MOBP: variants seen among roughly 807,000 people sequenced by gnomAD.
The protein encoded by MOBP is myelin-associated oligodendrocyte basic protein.
A neutral mutation model predicts 15.0 loss-of-function variants in MOBP; 5 were observed. That is an observed-to-expected ratio of 0.33 (90% CI 0.17 to 0.70). The LOEUF is 0.70. Among genes scored for constraint, MOBP ranks in the 30% least tolerant of loss-of-function variants. The probability of loss-of-function intolerance (pLI) is 0.67; values close to 1 mark genes in which losing one functional copy is unlikely to be tolerated. For synonymous variants in MOBP, 88 were observed against 99.0 expected, an observed-to-expected ratio of 0.89 and a Z score of 0.66; for missense variants, 188 against 257.8, an observed-to-expected ratio of 0.73 and a Z score of 1.85.
intron 4 of MOBP, chr3:39,513,343 A>G: frequency 6.3e-7 from 1 of 1,578,638 alleles, no homozygotes; most frequent in Non-Finnish European, 8.7e-7. Flanking sequence ...TACATCACCT[A>G]CCTATGTCAT....
chr3:39,496,673 T>C (rs903728870), intron 2 of MOBP, among the ~76,000 whole-genome samples: 1 of 150,568 alleles, frequency 6.6e-6, no homozygotes, highest in Admixed American at 6.6e-5. Context: ...TTTTTTTTTC[T>C]TTTTTTTGAG....
downstream of MOBP, among the ~76,000 whole-genome samples, chr3:39,520,166 C>A (rs1008775439): frequency 6.6e-6 from 1 of 152,084 alleles, no homozygotes; most frequent in Non-Finnish European, 1.5e-5. Context: ...CAGTTTCCCA[C>A]CATCAAGCCA....
At chr3:39,488,303 G>T (rs2042745920) in intron 2 of MOBP, among the ~76,000 whole-genome samples, 1 of 152,166 alleles carries the variant, frequency 6.6e-6, no homozygotes, top group African/African-American at 2.4e-5. Context: ...GACACTTGGA[G>T]GTTTCAGAAG....
intron 2 of MOBP, among the ~76,000 whole-genome samples, chr3:39,480,543 G>A (rs1171954068): frequency 1.3e-5 from 2 of 152,104 alleles, no homozygotes; most frequent in African/African-American, 2.4e-5. Flanking sequence ...CTCAAATGGC[G>A]GCCACTTTAC....
intron 4 of MOBP, among the ~76,000 whole-genome samples, chr3:39,510,311 C>T (rs535551881): frequency 5.9e-5 from 9 of 152,062 alleles, no homozygotes; most frequent in African/African-American, 1.4e-4. Flanking sequence ...AAAAATTATT[C>T]GAGTTTTTTT....
intron 2 of MOBP, among the ~76,000 whole-genome samples, chr3:39,495,200 G>A (rs1158142977): frequency 6.6e-6 from 1 of 152,144 alleles, no homozygotes; most frequent in Non-Finnish European, 1.5e-5. Flanking sequence ...ACAACTGTTG[G>A]AGTCACTGTC....
At chr3:39,513,408 C>G in exon 5 of MOBP, 1 of 1,614,036 alleles carries the variant, frequency 6.2e-7, no homozygotes, top group Non-Finnish European at 8.5e-7. Context: ...CAGGCCAACC[C>G]CAAAGAAGAA....
chr3:39,478,862 CTT>C (rs71718061), intron 1 of MOBP, among the ~76,000 whole-genome samples: 41,249 of 150,808 alleles, frequency 0.27, 7,160 homozygotes, highest in African/African-American at 0.49. Context: ...TGGAGTCTCA[CTT>C]TGTCACCCAG....
At chr3:39,507,131 G>A (rs1319785763), downstream of MOBP, among the ~76,000 whole-genome samples, 1 of 152,180 alleles carries the variant, frequency 6.6e-6, no homozygotes, top group Non-Finnish European at 1.5e-5. Flanking sequence ...CACGTGTGAT[G>A]ACTTCTAAAC....
At chr3:39,505,970 C>A (rs544699393), downstream of MOBP, among the ~76,000 whole-genome samples, 1 of 152,314 alleles carries the variant, frequency 6.6e-6, no homozygotes, top group South Asian at 2.1e-4. Flanking sequence ...CCAGCCCCCA[C>A]ACGTTCATCA....
chr3:39,499,846 A>G (rs986404753), intron 2 of MOBP: 4 of 351,782 alleles, frequency 1.1e-5, no homozygotes, highest in East Asian at 7.7e-5. Flanking sequence ...GGGTAATGCA[A>G]TTCACTGTGT....
chr3:39,502,376 G>A lies in MOBP; in HGVS notation c.206+101G>A. 2.6e-6 allele frequency: 4 copies of A among 1,561,226 alleles called. No individual in the cohort carries two copies. Among genetic ancestry groups the A allele is most frequent in the Non-Finnish European group, 3.5e-6 (4 of 1,155,718 alleles). On this transcript the variant is annotated intron_variant, in intron 3 of 3. Transcript: ENST00000684792. The surrounding 1 kb of genome is among the most constrained non-coding windows in gnomAD (Gnocchi z 6.3). ...CCGCACCCCACTCTTCCCCCTAGTCGGCTCCGGGTTAGGCTCCGACACCGG... is the reference window on the plus strand; with the variant it reads ...CCGCACCCCACTCTTCCCCCTAGTCAGCTCCGGGTTAGGCTCCGACACCGG...
At chr3:39,523,709 C>T (rs1160237743) in intron 3 of MOBP, among the ~76,000 whole-genome samples, 13 of 152,152 alleles carry the variant, frequency 8.5e-5, no homozygotes. Context: ...AATTAATACA[C>T]CTTCCAGTTG....
downstream of MOBP, among the ~76,000 whole-genome samples, chr3:39,519,591 A>G (rs1170593416): frequency 6.7e-6 from 1 of 150,080 alleles, no homozygotes; most frequent in African/African-American, 2.5e-5. Context: ...TTACCATGGT[A>G]ATCTGCCAGT....
chr3:39,468,998 GTATATATACATATATACATATGTGTGTA>G lies in MOBP; in HGVS notation c.-89+1286_-89+1313del, dbSNP rs1559411844. On this transcript the variant is annotated intron_variant, in intron 1 of 3. Transcript: ENST00000684792. ...TATATACATATATACATATGTGTGT[GTATATATACATATATACATATGTGTGTA>G]TATATATACATATATACATATGTGT... 6.6e-4 allele frequency among the ~76,000 whole-genome samples: 70 copies of G among 105,722 alleles called. 2 individuals are homozygous for G. Among genetic ancestry groups the G allele is most frequent in the Admixed American group, 1.3e-3 (13 of 10,132 alleles). The allele number at this position is 105,722 out of a possible 152,430, so 69.4% of individuals were successfully genotyped here. A position where few individuals can be genotyped will look rare whatever the true frequency, so the allele number is the denominator to read the frequency against.
chr3:39,505,181 T>C (rs1681138080), downstream of MOBP, among the ~76,000 whole-genome samples: 1 of 152,216 alleles, frequency 6.6e-6, no homozygotes, highest in Admixed American at 6.5e-5. Context: ...GGGCCTCTTT[T>C]GGTTTCAGTG....
At chr3:39,487,287 T>C (rs893248673) in intron 2 of MOBP, among the ~76,000 whole-genome samples, 6 of 152,054 alleles carry the variant, frequency 3.9e-5, no homozygotes, top group Non-Finnish European at 8.8e-5. Context: ...TGCAAGTTAA[T>C]TTTATCAACA....
chr3:39,501,467 CAAATAT>C (rs1043171889), intron 2 of MOBP, among the ~76,000 whole-genome samples: 4 of 152,212 alleles, frequency 2.6e-5, no homozygotes, highest in African/African-American at 9.6e-5. Context: ...CCACCTTCTC[CAAATAT>C]AACTATGCTC....
chr3:39,502,474 G>A lies in MOBP; in HGVS notation c.207-61G>A, dbSNP rs1452928473. On this transcript the variant is annotated intron_variant, in intron 3 of 3. Coordinates refer to ENST00000684792, the MANE Select transcript of MOBP (RefSeq NM_001393704.1). This position sits in a 1 kb window ranked among gnomAD's most constrained non-coding sequence, Gnocchi z 6.3. ...CTACCTGTTTCCAGCTCCTGCCAGC[G>A]TCGCTTAAGCAGCAGAGGAGAGCCC... 6 of 1,539,240 alleles carry A rather than the reference G, an allele frequency of 3.9e-6. No individual in the cohort carries two copies. Among genetic ancestry groups the A allele is most frequent in the Non-Finnish European group, 3.5e-6 (4 of 1,149,258 alleles).
Sources: gnomAD v4.1 joint callset for allele counts (sites outside exome capture counted in the v4.1 genomes callset) on GRCh38, gnomAD v4.1.1 for gene constraint, Gnocchi (gnomAD v3.1) non-coding constraint, MANE v1.5 for transcripts, NCBI Gene and HGNC (gene_info 2026-07-23, HGNC 2026-07-21) for gene names.